The following FOXP2 variants were observed in gnomAD, a reference collection of about 807,000 sequenced individuals.
The protein encoded by FOXP2 is forkhead box protein P2.
A neutral mutation model predicts 115.8 loss-of-function variants in FOXP2; 12 were observed. That is an observed-to-expected ratio of 0.10 (90% CI 0.07 to 0.17). FOXP2 has a LOEUF of 0.17. Among genes scored for constraint, FOXP2 ranks in the 10% least tolerant of loss-of-function variants. The pLI, the probability that FOXP2 is intolerant of heterozygous loss-of-function variation, is 1.00. For missense variants in FOXP2, 629 were observed against 843.5 expected, an observed-to-expected ratio of 0.75 and a Z score of 3.15; for synonymous variants, 328 against 297.7, an observed-to-expected ratio of 1.10 and a Z score of -1.05.
chr7:114,151,382 C>T (rs549350514), intron 1 of FOXP2, among the ~76,000 whole-genome samples: 73 of 152,016 alleles, frequency 4.8e-4, no homozygotes, highest in African/African-American at 1.6e-3. Context: ...TTATGATTTT[C>T]GTAAAAATAA....
At chr7:114,205,277 T>C (rs948022267) in intron 1 of FOXP2, among the ~76,000 whole-genome samples, 1 of 152,154 alleles carries the variant, frequency 6.6e-6, no homozygotes, top group Non-Finnish European at 1.5e-5. Flanking sequence ...GCCTCACACA[T>C]TGCGCTCAAC....
At chr7:114,212,658 G>A (rs1255480860) in intron 1 of FOXP2, among the ~76,000 whole-genome samples, 1 of 151,854 alleles carries the variant, frequency 6.6e-6, no homozygotes, top group African/African-American at 2.4e-5. Flanking sequence ...TTTTTCTGTA[G>A]TTGTTTTTTA....
chr7:114,633,254 A>G (rs1205994688), intron 6 of FOXP2, among the ~76,000 whole-genome samples: 1 of 152,170 alleles, frequency 6.6e-6, no homozygotes, highest in Non-Finnish European at 1.5e-5. Context: ...AAAACAAGCA[A>G]AAAACATCTC....
At chr7:114,608,697 C>G (rs574533181) in intron 3 of FOXP2, among the ~76,000 whole-genome samples, 2 of 152,324 alleles carry the variant, frequency 1.3e-5, no homozygotes, top group African/African-American at 4.8e-5. Context: ...CCACTCACCA[C>G]TGACCGAAGT....
chr7:114,641,651 T>C (rs1179201931), intron 6 of FOXP2, among the ~76,000 whole-genome samples: 1 of 152,024 alleles, frequency 6.6e-6, no homozygotes, highest in Non-Finnish European at 1.5e-5. Context: ...CTTTTATTTA[T>C]TTATTTATTT....
intron 11 of FOXP2, 144 bp from the exon 12 acceptor site, chr7:114,659,212 C>A: frequency 1.5e-6 from 1 of 675,878 alleles, no homozygotes; most frequent in Non-Finnish European, 2.6e-6. Context: ...CCATATAATT[C>A]AATTCCACTG....
At chr7:114,116,978 G>T (rs976362382) in intron 1 of FOXP2, among the ~76,000 whole-genome samples, 1 of 151,932 alleles carries the variant, frequency 6.6e-6, no homozygotes, top group South Asian at 2.1e-4. Context: ...AAAATTTAAA[G>T]TTAATACATA....
intron 1 of FOXP2, among the ~76,000 whole-genome samples, chr7:114,128,452 TCTA>T (rs1791781042): frequency 6.6e-6 from 1 of 151,268 alleles, no homozygotes; most frequent in Non-Finnish European, 1.5e-5. Flanking sequence ...AAATGACCCA[TCTA>T]TTGTTTATGA....
chr7:114,112,382 C>T (rs1791292835), intron 1 of FOXP2, among the ~76,000 whole-genome samples: 1 of 152,058 alleles, frequency 6.6e-6, no homozygotes, highest in Non-Finnish European at 1.5e-5. Flanking sequence ...CTGCAACCTT[C>T]TGCCTCCTAG....
chr7:114,623,438 A>C (rs1449796324), intron 3 of FOXP2, among the ~76,000 whole-genome samples: 3 of 151,972 alleles, frequency 2.0e-5, no homozygotes, highest in African/African-American at 4.8e-5. Context: ...TAGCTTTGAG[A>C]AGAAAGAAAA....
intron 2 of FOXP2, among the ~76,000 whole-genome samples, chr7:114,364,063 AC>A (rs1791817791): frequency 1.5e-5 from 2 of 130,030 alleles, no homozygotes; most frequent in South Asian, 2.9e-4. Flanking sequence ...AGCCTTAAGT[AC>A]TTAATTTCTT....
Position 114,631,659 on chromosome 7 carries a change from C to T in FOXP2, c.729C>T (p.Ser243=). 6.2e-7 allele frequency: 1 copy of T among 1,614,150 alleles called. No homozygotes were observed. Among genetic ancestry groups the T allele is most frequent in the Non-Finnish European group, 8.5e-7 (1 of 1,180,024 alleles). The change falls in exon 6 of 17, where the codon TCC becomes TCT. Residue 243 remains serine (S), a synonymous_variant. Transcript: ENST00000350908. ...LLSLQRQGLI[S]IPPGQAALPV... is the part of the protein sequence containing the mutation. ...GCCTTCAGCGTCAGGGACTCATCTC[C>T]ATTCCACCTGGCCAGGCAGCACTTC... is the stretch of plus-strand genomic sequence containing the variant.
chr7:114,253,794 T>C (rs1795519310), intron 1 of FOXP2, among the ~76,000 whole-genome samples: 1 of 152,198 alleles, frequency 6.6e-6, no homozygotes, highest in African/African-American at 2.4e-5. Flanking sequence ...GCATTTACAT[T>C]TAAGATTAAT....
intron 2 of FOXP2, among the ~76,000 whole-genome samples, chr7:114,430,738 T>A (rs1794068603): frequency 6.6e-6 from 1 of 151,936 alleles, no homozygotes; most frequent in African/African-American, 2.4e-5. Context: ...TGTGAACATG[T>A]GCTCAGTCTT....
intron 1 of FOXP2, among the ~76,000 whole-genome samples, chr7:114,171,313 C>T (rs920255652): frequency 1.3e-5 from 2 of 152,150 alleles, no homozygotes; most frequent in African/African-American, 4.8e-5. Context: ...GTGGCTTACA[C>T]CTGTATCCCA....
At chr7:114,159,683 C>A (rs559759318), upstream of FOXP2, among the ~76,000 whole-genome samples, 2 of 36,566 alleles carry the variant, frequency 5.5e-5, no homozygotes, top group African/African-American at 1.3e-4. Flanking sequence ...CCAGGACTAA[C>A]GATCACTGGA....
intron 3 of FOXP2, among the ~76,000 whole-genome samples, chr7:114,602,535 TAC>T (rs1209228204): frequency 1.3e-5 from 2 of 152,070 alleles, no homozygotes; most frequent in Non-Finnish European, 2.9e-5. Context: ...GAATATTTGC[TAC>T]AGTTTTCTGT....
intron 1 of FOXP2, among the ~76,000 whole-genome samples, chr7:114,148,780 A>G (rs1164048535): frequency 6.6e-6 from 1 of 152,154 alleles, no homozygotes; most frequent in Admixed American, 6.6e-5. Flanking sequence ...CTTTTTCTTC[A>G]TCAATCACAA....
intron 3 of FOXP2, among the ~76,000 whole-genome samples, chr7:114,564,112 C>G (rs1313230765): frequency 6.6e-6 from 1 of 152,166 alleles, no homozygotes; most frequent in Admixed American, 6.6e-5. Flanking sequence ...AATTCCTGAT[C>G]TGCAAAACTC....
Sources: gnomAD v4.1 joint callset for allele counts (sites outside exome capture counted in the v4.1 genomes callset) on GRCh38, gnomAD v4.1.1 for gene constraint, MANE v1.5 for transcripts, NCBI Gene and HGNC (gene_info 2026-07-23, HGNC 2026-07-21) for gene names.